Variants in NAALADL2 observed in about 807,000 individuals in gnomAD.
NAALADL2 encodes inactive N-acetylated-alpha-linked acidic dipeptidase-like protein 2.
A neutral mutation model predicts 87.2 loss-of-function variants in NAALADL2; 76 were observed. That is an observed-to-expected ratio of 0.87 (90% CI 0.72 to 1.05). The LOEUF (loss-of-function observed/expected upper bound fraction) is 1.05. Among genes scored for constraint, NAALADL2 ranks in the 50% least tolerant of loss-of-function variants. NAALADL2 has a pLI of 0.00. For missense variants in NAALADL2, 1,089 were observed against 945.8 expected (o/e 1.15, Z -1.99); for synonymous variants, 354 against 331.0 (o/e 1.07, Z -0.75).
chr3:174,891,279 AT>A (rs1730841548), intron 1 of NAALADL2, among the ~76,000 whole-genome samples: 1 of 152,102 alleles, frequency 6.6e-6, no homozygotes, highest in South Asian at 2.1e-4. Context: ...ACCAATCATC[AT>A]CCCTTACCCA....
chr3:175,166,581 G>C (rs1221642881), intron 2 of NAALADL2, among the ~76,000 whole-genome samples: 1 of 149,352 alleles, frequency 6.7e-6, no homozygotes, highest in Non-Finnish European at 1.5e-5. Flanking sequence ...TTTTTTTATT[G>C]TGGTTGGCCA....
chr3:175,766,054 G>A (rs1231345808), intron 13 of NAALADL2, among the ~76,000 whole-genome samples: 1 of 152,036 alleles, frequency 6.6e-6, no homozygotes, highest in East Asian at 1.9e-4. Flanking sequence ...TGTTAATATA[G>A]CCAGATATGT....
At chr3:175,513,771 G>A (rs1340097160) in intron 9 of NAALADL2, among the ~76,000 whole-genome samples, 1 of 152,180 alleles carries the variant, frequency 6.6e-6, no homozygotes, top group Non-Finnish European at 1.5e-5. Flanking sequence ...ACTTCAGAAA[G>A]ATGTACATTA....
chr3:175,135,478 A>G (rs949370801), intron 2 of NAALADL2, among the ~76,000 whole-genome samples: 5 of 152,184 alleles, frequency 3.3e-5, no homozygotes, highest in African/African-American at 4.8e-5. Context: ...AACCAACACT[A>G]TAAAGCTTAT....
At chr3:175,509,049 G>A (rs1436453794) in intron 9 of NAALADL2, among the ~76,000 whole-genome samples, 1 of 151,668 alleles carries the variant, frequency 6.6e-6, no homozygotes, top group Non-Finnish European at 1.5e-5. Flanking sequence ...CCAGGAGACG[G>A]ACGTTGTAGT....
At chr3:175,226,496 G>A (rs1297564257) in intron 2 of NAALADL2, among the ~76,000 whole-genome samples, 4 of 151,962 alleles carry the variant, frequency 2.6e-5, no homozygotes, top group East Asian at 3.9e-4. Flanking sequence ...TAAATAGCAC[G>A]GTATAGTGGA....
chr3:175,392,470 C>T (rs946399679), intron 5 of NAALADL2, among the ~76,000 whole-genome samples: 5 of 152,156 alleles, frequency 3.3e-5, no homozygotes, highest in African/African-American at 4.8e-5. Flanking sequence ...CTCTTCCTCC[C>T]TTTCTTCCTC....
intron 11 of NAALADL2, among the ~76,000 whole-genome samples, chr3:175,700,329 G>C (rs1027663247): frequency 1.3e-5 from 2 of 152,060 alleles, no homozygotes; most frequent in African/African-American, 4.8e-5. Flanking sequence ...TTTTTCAAAA[G>C]CTTAGGAAAC....
At chr3:175,024,237 C>G (rs1751937442) in intron 1 of NAALADL2, among the ~76,000 whole-genome samples, 1 of 151,938 alleles carries the variant, frequency 6.6e-6, no homozygotes, top group African/African-American at 2.4e-5. Flanking sequence ...GTGGAACAAT[C>G]TATATTAAAA....
At chr3:174,782,278 G>T (rs1003517548) in intron 3 of NAALADL2, among the ~76,000 whole-genome samples, 7 of 152,082 alleles carry the variant, frequency 4.6e-5, no homozygotes, top group Admixed American at 3.9e-4. Flanking sequence ...TCAAATAGAC[G>T]ATAGAGAAGG....
At chr3:175,142,402 A>C (rs1463653793) in intron 2 of NAALADL2, among the ~76,000 whole-genome samples, 1 of 150,716 alleles carries the variant, frequency 6.6e-6, no homozygotes, top group Non-Finnish European at 1.5e-5. Flanking sequence ...CTGAGATCTT[A>C]CTATGTATGT....
At chr3:175,339,909 A>G (rs1277466728) in intron 5 of NAALADL2, among the ~76,000 whole-genome samples, 1 of 152,198 alleles carries the variant, frequency 6.6e-6, no homozygotes, top group African/African-American at 2.4e-5. Context: ...CTGAGATGAT[A>G]TTTCAGGAAA....
intron 10 of NAALADL2, among the ~76,000 whole-genome samples, chr3:175,624,749 T>C (rs1370935716): frequency 6.6e-6 from 1 of 152,030 alleles, no homozygotes; most frequent in African/African-American, 2.4e-5. Flanking sequence ...CTGCATCAAA[T>C]GGATGTATTT....
At chr3:175,358,223 G>C (rs777083127) in intron 5 of NAALADL2, among the ~76,000 whole-genome samples, 4 of 151,804 alleles carry the variant, frequency 2.6e-5, no homozygotes, top group Non-Finnish European at 5.9e-5. Context: ...CATACATACA[G>C]GTTTTTTTTC....
At chr3:174,964,957 G>A (rs901681553) in intron 1 of NAALADL2, among the ~76,000 whole-genome samples, 3 of 151,782 alleles carry the variant, frequency 2.0e-5, no homozygotes, top group African/African-American at 7.3e-5. Context: ...GGAGGAGGTG[G>A]TTGTATTACT....
At chr3:175,117,493 C>T (rs1346095971) in intron 2 of NAALADL2, among the ~76,000 whole-genome samples, 1 of 152,052 alleles carries the variant, frequency 6.6e-6, no homozygotes, top group African/African-American at 2.4e-5. Context: ...ATTTATGCAG[C>T]CAACAGACAC....
At chr3:174,613,352 A>G (rs1488131690) in intron 2 of NAALADL2, among the ~76,000 whole-genome samples, 2 of 152,134 alleles carry the variant, frequency 1.3e-5, no homozygotes, top group Admixed American at 1.3e-4. Flanking sequence ...GGCCTGTGTC[A>G]TCCCTTCAGC....
intron 2 of NAALADL2, among the ~76,000 whole-genome samples, chr3:174,682,021 G>A (rs1727591266): frequency 6.6e-6 from 1 of 151,938 alleles, no homozygotes; most frequent in African/African-American, 2.4e-5. Flanking sequence ...CCACACACTT[G>A]TGGCAGTGGT....
intron 11 of NAALADL2, among the ~76,000 whole-genome samples, chr3:175,661,867 C>T (rs1178554180): frequency 6.6e-6 from 1 of 151,928 alleles, no homozygotes; most frequent in Non-Finnish European, 1.5e-5. Context: ...GTTTTTATGC[C>T]AGTACCAACT....
Sources: gnomAD v4.1 joint callset for allele counts (sites outside exome capture counted in the v4.1 genomes callset) on GRCh38, gnomAD v4.1.1 for gene constraint, MANE v1.5 for transcripts, NCBI Gene and HGNC (gene_info 2026-07-23, HGNC 2026-07-21) for gene names.